The following ZBTB16 variants were observed in gnomAD, a reference collection of about 807,000 sequenced individuals.
ZBTB16 encodes zinc finger and BTB domain-containing protein 16.
ZBTB16 carries 8 observed loss-of-function variants against 56.8 expected under a neutral mutation model. That is an observed-to-expected ratio of 0.14 (90% confidence interval 0.08 to 0.25). The LOEUF is 0.25. Ranked by LOEUF, ZBTB16 falls within the 10% of genes least tolerant of loss-of-function variation. ZBTB16 has a pLI of 1.00. For synonymous variants in ZBTB16, 363 were observed against 368.5 expected (o/e 0.98, Z 0.17); for missense variants, 625 against 903.0 (o/e 0.69, Z 3.95).
In ZBTB16 at chr11:114,134,361, TC is replaced by T. The variant is rs372886837; in HGVS notation, c.1269-21975del. ...GTACTGGGCCTTTTCTTTCTTTCTT[TC>T]TTTTTTCTTTTGTACTTTTTGGTAT... On this transcript the variant is annotated intron_variant, in intron 2 of 6. Transcript: ENST00000335953. 6.5e-3 allele frequency among the ~76,000 whole-genome samples: 983 copies of T among 152,106 alleles called. 7 individuals are homozygous for T. Among genetic ancestry groups the T allele is most frequent in the African/African-American group, 0.022 (897 of 41,454 alleles).
At chr11:114,229,685 A>G (rs529698182) in intron 4 of ZBTB16, among the ~76,000 whole-genome samples, 15 of 152,110 alleles carry the variant, frequency 9.9e-5, no homozygotes, top group African/African-American at 3.4e-4. Flanking sequence ...TTGGCTTTTC[A>G]TTATTCCATT....
intron 3 of ZBTB16, among the ~76,000 whole-genome samples, chr11:114,176,952 A>T (rs1943130660): frequency 6.6e-6 from 1 of 152,142 alleles, no homozygotes; most frequent in African/African-American, 2.4e-5. Flanking sequence ...CTTAGAGAAC[A>T]TAGTGTCTCA....
At chr11:114,123,529 A>T (rs1217404644) in intron 2 of ZBTB16, among the ~76,000 whole-genome samples, 2 of 152,148 alleles carry the variant, frequency 1.3e-5, no homozygotes, top group African/African-American at 4.8e-5. Flanking sequence ...ATGTATGCAC[A>T]TGTCTGTCTG....
Position 114,063,522 on chromosome 11 carries a change from C to T in ZBTB16, c.222C>T (p.Phe74=), listed in dbSNP as rs747596888. The change falls in exon 2 of 7, where the codon TTC becomes TTT. Residue 74 remains phenylalanine (F), a synonymous_variant. Coordinates refer to ENST00000335953, the MANE Select transcript of ZBTB16 (RefSeq NM_006006.6). This position sits in a 1 kb window ranked among gnomAD's most constrained non-coding sequence, Gnocchi z 6.5. ...ATAGTCAACACTATACTTTGGACTT[C>T]CTCTCGCCAAAGACCTTCCAGCAGA... is the stretch of plus-strand genomic sequence containing the variant. ...HRNSQHYTLD[F]LSPKTFQQIL... is the part of the protein sequence containing the mutation. 3.1e-6 allele frequency: 5 copies of T among 1,614,246 alleles called. No individual in the cohort carries two copies. Among genetic ancestry groups the T allele is most frequent in the East Asian group, 2.2e-5 (1 of 44,890 alleles).
chr11:114,251,747 G>GAGGAGGAGGAGGAGCAGA lies in ZBTB16; in HGVS notation c.*1199_*1216dup, dbSNP rs1318508718. On this transcript the variant is annotated 3_prime_UTR_variant, in exon 7 of 7. Transcript: ENST00000335953. ...GCGCCCCTCGGTCCACAGTGGAGAG[G>GAGGAGGAGGAGGAGCAGA]AGGAGGAGGAGGAGCAGAAGGAGGG... Among the ~76,000 whole-genome samples the GAGGAGGAGGAGGAGCAGA allele has an allele frequency of 6.6e-6, 1 of 152,078 alleles. No individual in the cohort carries two copies. Among genetic ancestry groups the GAGGAGGAGGAGGAGCAGA allele is most frequent in the East Asian group, 1.9e-4 (1 of 5,194 alleles).
At chr11:114,083,973 T>G (rs1270628038) in intron 2 of ZBTB16, among the ~76,000 whole-genome samples, 1 of 152,176 alleles carries the variant, frequency 6.6e-6, no homozygotes, top group Non-Finnish European at 1.5e-5. Flanking sequence ...TCTGATCACA[T>G]CAGGGTGATT....
chr11:114,249,790 G>A (rs59568784), intron 6 of ZBTB16, among the ~76,000 whole-genome samples: 34,836 of 82,750 alleles, frequency 0.42, 6,359 homozygotes, highest in African/African-American at 0.56. Context: ...AAAAAAAAAA[G>A]AGAGCTTTAG....
intron 2 of ZBTB16, among the ~76,000 whole-genome samples, chr11:114,120,009 A>G (rs1348587646): frequency 6.6e-6 from 1 of 152,228 alleles, no homozygotes; most frequent in Non-Finnish European, 1.5e-5. Context: ...GAAAGATTGC[A>G]GAGTCTTCTC....
intron 2 of ZBTB16, among the ~76,000 whole-genome samples, chr11:114,136,517 G>A (rs1248368138): frequency 2.0e-5 from 3 of 152,190 alleles, no homozygotes; most frequent in African/African-American, 7.2e-5. Context: ...CAGAGAGTTT[G>A]TGAGAGTCTG....
intron 2 of ZBTB16, among the ~76,000 whole-genome samples, chr11:114,076,052 T>TGCTGCC (rs1939551527): frequency 6.6e-6 from 1 of 152,160 alleles, no homozygotes; most frequent in African/African-American, 2.4e-5. Flanking sequence ...TTGCTGCTGT[T>TGCTGCC]GCTGCCGCTG....
chr11:114,186,354 G>A (rs1943360685), intron 3 of ZBTB16, among the ~76,000 whole-genome samples: 1 of 152,168 alleles, frequency 6.6e-6, no homozygotes, highest in East Asian at 1.9e-4. Context: ...TGTGAGAGAC[G>A]AAGCAGGAAA....
At chr11:114,133,849 C>T (rs1232912504) in intron 2 of ZBTB16, among the ~76,000 whole-genome samples, 1 of 152,318 alleles carries the variant, frequency 6.6e-6, no homozygotes, top group African/African-American at 2.4e-5. Flanking sequence ...AGGCTGATGG[C>T]CAGATTACAG....
chr11:114,096,430 A>G (rs1382609795), intron 2 of ZBTB16, among the ~76,000 whole-genome samples: 1 of 152,102 alleles, frequency 6.6e-6, no homozygotes, highest in East Asian at 1.9e-4. Context: ...GGGAGAATAG[A>G]CCTCTGTGGT....
chr11:114,177,779 A>G (rs912060390), intron 3 of ZBTB16, among the ~76,000 whole-genome samples: 28 of 152,312 alleles, frequency 1.8e-4, no homozygotes, highest in Admixed American at 1.7e-3. Context: ...CCCCTGAGTC[A>G]CTACTCTTAG....
chr11:114,104,095 A>G (rs1940706583), intron 2 of ZBTB16, among the ~76,000 whole-genome samples: 1 of 152,078 alleles, frequency 6.6e-6, no homozygotes, highest in African/African-American at 2.4e-5. Context: ...CAAATTAGGC[A>G]CCTGTCTGAC....
chr11:114,094,954 G>A (rs1201721393), intron 2 of ZBTB16, among the ~76,000 whole-genome samples: 1 of 152,222 alleles, frequency 6.6e-6, no homozygotes, highest in Non-Finnish European at 1.5e-5. Context: ...AGAGTGCTTC[G>A]CACTGGGCTG....
chr11:114,159,083 G>T (rs1195803839), intron 3 of ZBTB16, among the ~76,000 whole-genome samples: 4 of 152,238 alleles, frequency 2.6e-5, no homozygotes, highest in Non-Finnish European at 5.9e-5. Flanking sequence ...GGTGGAAGCG[G>T]CTGCAGAAAA....
At chr11:114,185,980 C>G (rs1263814184) in intron 3 of ZBTB16, among the ~76,000 whole-genome samples, 8 of 152,154 alleles carry the variant, frequency 5.3e-5, no homozygotes, top group Admixed American at 5.2e-4. Context: ...CAGGCAGATG[C>G]AGCTGTGCAC....
intron 4 of ZBTB16, 88 bp from the exon 5 acceptor site, chr11:114,242,079 T>C: frequency 6.5e-7 from 1 of 1,542,764 alleles, no homozygotes; most frequent in Non-Finnish European, 8.9e-7. Context: ...GAGGTGTGAG[T>C]CCCGACACTG....
Sources: allele counts gnomAD v4.1 joint callset (sites outside exome capture counted in the v4.1 genomes callset), GRCh38; gene constraint gnomAD v4.1.1; non-coding constraint Gnocchi (gnomAD v3.1); transcripts MANE v1.5; gene names NCBI Gene and HGNC (gene_info 2026-07-23, HGNC 2026-07-21).